Variants in FRAS1 observed in about 807,000 individuals in gnomAD.
FRAS1 encodes Fraser extracellular matrix complex subunit 1.
In FRAS1, 290 loss-of-function variants were observed where a neutral mutation model predicts 435.2. The ratio of observed to expected loss-of-function variants is 0.67; its 90% CI spans 0.61 to 0.73. The LOEUF (loss-of-function observed/expected upper bound fraction) is 0.73. Among genes scored for constraint, FRAS1 ranks in the 30% least tolerant of loss-of-function variants. FRAS1 has a pLI of 0.00. For missense variants in FRAS1, 4,860 were observed against 5,001.5 expected (o/e 0.97, Z 0.85); for synonymous variants, 1,800 against 1,851.0 (o/e 0.97, Z 0.71).
At chr4:78,400,270 C>T (rs979931295) in intron 29 of FRAS1, among the ~76,000 whole-genome samples, 5 of 152,314 alleles carry the variant, frequency 3.3e-5, no homozygotes, top group East Asian at 1.9e-4. Context: ...GAGCATTAAT[C>T]GTGAAGCATC....
intron 72 of FRAS1, 123 bp from the exon 73 acceptor site, chr4:78,539,171 T>C: frequency 1.1e-6 from 1 of 887,518 alleles, no homozygotes; most frequent in Non-Finnish European, 1.7e-6. Context: ...TCACAGCACA[T>C]ACTCTCTCAA....
At chr4:78,435,746 A>C (rs75600991) in intron 38 of FRAS1, among the ~76,000 whole-genome samples, 1 of 152,098 alleles carries the variant, frequency 6.6e-6, no homozygotes, top group Non-Finnish European at 1.5e-5. Flanking sequence ...TCAAGAAAAA[A>C]AAAAAAACAA....
Position 78,247,332 on chromosome 4 carries a change from G to GGTA in FRAS1, c.309+2007_309+2008insGTA, listed in dbSNP as rs1725289623. On this transcript the variant is annotated intron_variant, in intron 4 of 73. Coordinates refer to ENST00000512123, the MANE Select transcript of FRAS1 (RefSeq NM_025074.7). ...TTCAAAATTTACTCCCTCTGAAAAT[G>GGTA]TTATATTTCTGGTATTTGATGTAAC... Among the ~76,000 whole-genome samples, 10 of 152,200 alleles carry GGTA rather than the reference G, an allele frequency of 6.6e-5. No homozygotes were observed. In the South Asian group the frequency reaches 2.1e-3, roughly 32 times the overall value.
At chr4:78,161,881 A>C (rs1291913384) in intron 2 of FRAS1, among the ~76,000 whole-genome samples, 1 of 151,692 alleles carries the variant, frequency 6.6e-6, no homozygotes, top group Non-Finnish European at 1.5e-5. Context: ...TTCGCCATCC[A>C]CCTTGTAGCA....
intron 26 of FRAS1, among the ~76,000 whole-genome samples, chr4:78,377,401 T>A (rs1478675338): frequency 6.6e-6 from 1 of 152,182 alleles, no homozygotes; most frequent in African/African-American, 2.4e-5. Flanking sequence ...GCCACTCTCA[T>A]TAGAGCGATC....
At chr4:78,406,332 A>C (rs560219879) in intron 30 of FRAS1, among the ~76,000 whole-genome samples, 1 of 152,310 alleles carries the variant, frequency 6.6e-6, no homozygotes, top group Admixed American at 6.5e-5. Context: ...CTGTTTTCAC[A>C]CTGCTGATAA....
At chr4:78,367,214 G>A (rs188360264) in intron 22 of FRAS1, among the ~76,000 whole-genome samples, 1 of 151,868 alleles carries the variant, frequency 6.6e-6, no homozygotes, top group Non-Finnish European at 1.5e-5. Context: ...AGACCAGCCT[G>A]GGCAAAAAAG....
At chr4:78,181,880 T>C (rs941307683) in intron 2 of FRAS1, 11 of 1,611,622 alleles carry the variant, frequency 6.8e-6, no homozygotes, top group Non-Finnish European at 9.3e-6. Context: ...GGCCGCCGCC[T>C]GAGCTGCGCT....
chr4:78,207,575 C>T (rs1224351355), intron 2 of FRAS1, among the ~76,000 whole-genome samples: 1 of 152,122 alleles, frequency 6.6e-6, no homozygotes, highest in Non-Finnish European at 1.5e-5. Flanking sequence ...TTCTAGTAGG[C>T]TCCATAATCC....
chr4:78,124,973 T>C (rs1046527331), intron 2 of FRAS1, among the ~76,000 whole-genome samples: 1 of 152,224 alleles, frequency 6.6e-6, no homozygotes, highest in Non-Finnish European at 1.5e-5. Flanking sequence ...AAGGGTTTTT[T>C]ATGTCTCTAT....
chr4:78,196,888 T>C (rs192721934), intron 2 of FRAS1, among the ~76,000 whole-genome samples: 1 of 152,296 alleles, frequency 6.6e-6, no homozygotes, highest in Non-Finnish European at 1.5e-5. Flanking sequence ...ATTCCATAAG[T>C]GCCGTTGTTT....
At position 78,450,211 on chromosome 4, in the gene FRAS1, A is replaced by G. The variant is rs752406478; in HGVS notation, c.6335A>G (p.His2112Arg). Residue 2112 changes from histidine to arginine, a missense_variant, in exon 45 of 74, where the codon CAT (histidine) becomes CGT (arginine). Coordinates refer to ENST00000512123, the MANE Select transcript of FRAS1 (RefSeq NM_025074.7). ...GTGACAGATATTGACTCAGATGACC[A>G]TCAGGTTATGTACATCATGAAGGAA... ...LKVTDIDSDD[H>R]QVMYIMKEDP... 4 of 1,613,830 alleles carry G rather than the reference A, an allele frequency of 2.5e-6. No individual in the cohort carries two copies. In the South Asian group the frequency reaches 4.4e-5, roughly 18 times the overall value.
chr4:78,436,346 A>G (rs66914138), intron 38 of FRAS1, among the ~76,000 whole-genome samples: 47,579 of 152,050 alleles, frequency 0.31, 8,462 homozygotes, highest in Admixed American at 0.4. Context: ...CAATGGATCC[A>G]CAGGATGTTC....
At chr4:78,109,022 A>G (rs1742545189) in intron 2 of FRAS1, among the ~76,000 whole-genome samples, 1 of 49,606 alleles carries the variant, frequency 2.0e-5, no homozygotes, top group Non-Finnish European at 3.6e-5. Flanking sequence ...ATTCCTCGAC[A>G]CATACACTCT....
At position 78,481,811 on chromosome 4, in the gene FRAS1, A is replaced by G. The variant is rs760276945; in HGVS notation, c.8451A>G (p.Val2817=). The G allele has an allele frequency of 1.2e-6, 2 of 1,613,864 alleles. No homozygotes were observed. The highest frequency in any genetic ancestry group is 1.7e-5 in the Admixed American group (1 of 60,024). The change falls in exon 57 of 74, where the codon GTA becomes GTG. Residue 2817 remains valine (V), a synonymous_variant. Coordinates refer to ENST00000512123, the MANE Select transcript of FRAS1 (RefSeq NM_025074.7). ...CTATGAATCTTAATTCAGGCACAGT[A>G]AAGATTCCAGTTATCCGCCATGGTA... is the stretch of plus-strand genomic sequence containing the variant. ...AFTVSEDAGT[V]KIPVIRHGTD...
chr4:78,426,081 C>T (rs1212010146), intron 35 of FRAS1, among the ~76,000 whole-genome samples: 2 of 151,866 alleles, frequency 1.3e-5, no homozygotes, highest in African/African-American at 4.8e-5. Context: ...AGAGTTAGAC[C>T]CTGTCTCAAA....
At chr4:78,334,440 A>G (rs1417508956) in intron 19 of FRAS1, among the ~76,000 whole-genome samples, 1 of 129,528 alleles carries the variant, frequency 7.7e-6, no homozygotes, top group Admixed American at 1.0e-4. Flanking sequence ...GCACGATCTC[A>G]GCTCACTGCA....
intron 14 of FRAS1, among the ~76,000 whole-genome samples, chr4:78,295,281 T>A (rs187394069): frequency 7.5e-4 from 114 of 152,300 alleles, no homozygotes; most frequent in African/African-American, 2.5e-3. Flanking sequence ...GTCCAAAGGT[T>A]TATGTACAGT....
chr4:78,299,902 C>T (rs1728310886), intron 14 of FRAS1, among the ~76,000 whole-genome samples: 1 of 152,214 alleles, frequency 6.6e-6, no homozygotes, highest in African/African-American at 2.4e-5. Flanking sequence ...CAGCAGACCT[C>T]AGATAACCTG....
Sources: gnomAD v4.1 joint callset for allele counts (sites outside exome capture counted in the v4.1 genomes callset) on GRCh38, gnomAD v4.1.1 for gene constraint, MANE v1.5 for transcripts, NCBI Gene and HGNC (gene_info 2026-07-23, HGNC 2026-07-21) for gene names.